PDE4D: variants seen among roughly 807,000 people sequenced by gnomAD.
PDE4D encodes the protein phosphodiesterase 4D, also known as 3',5'-cyclic-AMP phosphodiesterase 4D.
A neutral mutation model predicts 87.4 loss-of-function variants in PDE4D; 24 were observed. The observed-to-expected ratio is 0.27, with a 90% CI of 0.20 to 0.39. The LOEUF (loss-of-function observed/expected upper bound fraction) is 0.39. Ranked by LOEUF, PDE4D falls within the 10% of genes least tolerant of loss-of-function variation. PDE4D has a pLI of 1.00. For missense variants in PDE4D, 714 were observed against 1,041.0 expected (o/e 0.69, Z 4.32); for synonymous variants, 384 against 383.2 (o/e 1.00, Z -0.02).
intron 1 of PDE4D, among the ~76,000 whole-genome samples, chr5:59,368,294 G>C (rs2153597261): frequency 6.6e-6 from 1 of 152,300 alleles, no homozygotes; most frequent in East Asian, 1.9e-4. Flanking sequence ...GATGAATGCT[G>C]TTTCTCCATT....
chr5:60,467,857 T>G (rs1313340260), intron 1 of PDE4D, among the ~76,000 whole-genome samples: 1 of 152,002 alleles, frequency 6.6e-6, no homozygotes, highest in African/African-American at 2.4e-5. Context: ...AATACTCAGA[T>G]CTCGTGAGAA....
At chr5:59,072,481 C>T (rs1035024476) in intron 5 of PDE4D, among the ~76,000 whole-genome samples, 1 of 152,164 alleles carries the variant, frequency 6.6e-6, no homozygotes, top group African/African-American at 2.4e-5. Flanking sequence ...CAGAATGGCA[C>T]TCAGTCTTCA....
chr5:59,202,824 C>CT (rs532018890), intron 2 of PDE4D, among the ~76,000 whole-genome samples: 14 of 152,326 alleles, frequency 9.2e-5, no homozygotes, highest in African/African-American at 2.4e-4. Context: ...ACGTGGAACT[C>CT]TGAGTCCAGT....
intron 1 of PDE4D, among the ~76,000 whole-genome samples, chr5:59,536,538 T>TAAAAA (rs1815305704): frequency 8.0e-6 from 1 of 125,172 alleles, no homozygotes; most frequent in African/African-American, 3.6e-5. Context: ...AAAAAAAAAT[T>TAAAAA]ACCTTTTGGC....
At chr5:59,257,340 C>T (rs754185721) in intron 1 of PDE4D, among the ~76,000 whole-genome samples, 1 of 151,952 alleles carries the variant, frequency 6.6e-6, no homozygotes, top group Non-Finnish European at 1.5e-5. Context: ...CACATACATC[C>T]TGAGCAGTCT....
intron 1 of PDE4D, among the ~76,000 whole-genome samples, chr5:59,479,767 T>C (rs1803931729): frequency 1.3e-5 from 2 of 152,162 alleles, no homozygotes; most frequent in South Asian, 4.1e-4. Context: ...TGTTGGGTTC[T>C]CAGCTGATTC....
intron 1 of PDE4D, among the ~76,000 whole-genome samples, chr5:59,619,249 G>C (rs1287303750): frequency 2.0e-5 from 3 of 152,302 alleles, no homozygotes; most frequent in Non-Finnish European, 4.4e-5. Context: ...TGGTAGAGCA[G>C]ATTGGATGAG....
chr5:58,998,802 G>A (rs1203238798), intron 6 of PDE4D, among the ~76,000 whole-genome samples: 2 of 152,082 alleles, frequency 1.3e-5, no homozygotes, highest in African/African-American at 2.4e-5. Flanking sequence ...ACTGAATAAG[G>A]TTTTTCTACC....
intron 1 of PDE4D, among the ~76,000 whole-genome samples, chr5:59,394,120 G>T (rs767318674): frequency 7.5e-6 from 1 of 132,672 alleles, no homozygotes; most frequent in Non-Finnish European, 1.6e-5. Flanking sequence ...ATACTGTGTC[G>T]TTTGAGCAGT....
At chr5:59,725,203 C>T (rs1015808389) in intron 1 of PDE4D, among the ~76,000 whole-genome samples, 7 of 152,038 alleles carry the variant, frequency 4.6e-5, no homozygotes, top group African/African-American at 1.4e-4. Flanking sequence ...CCTCAGGCAG[C>T]GCTGCTCAGC....
chr5:59,384,063 T>G (rs1055913578), intron 1 of PDE4D, among the ~76,000 whole-genome samples: 5 of 124,718 alleles, frequency 4.0e-5, no homozygotes, highest in Non-Finnish European at 8.1e-5. Context: ...TATTTTTTTA[T>G]TTTTTTAGTT....
intron 1 of PDE4D, among the ~76,000 whole-genome samples, chr5:60,378,881 A>AAGAGAGAG (rs368224897): frequency 6.6e-6 from 1 of 150,928 alleles, no homozygotes; most frequent in African/African-American, 2.4e-5. Flanking sequence ...GAAAGAAAGA[A>AAGAGAGAG]AGAGAGAGAG....
intron 1 of PDE4D, among the ~76,000 whole-genome samples, chr5:60,358,430 AT>A (rs1759799003): frequency 6.6e-6 from 1 of 152,192 alleles, no homozygotes; most frequent in African/African-American, 2.4e-5. Flanking sequence ...TGGCAGAGGC[AT>A]TGATAAATAA....
chr5:60,211,963 G>C lies in PDE4D; in HGVS notation c.-89-26276C>G, dbSNP rs368394205. On this transcript the variant is annotated intron_variant, in intron 1 of 16. Coordinates refer to the PDE4D transcript ENST00000502484. Reference sequence around the variant, plus strand: ...AATCCATGATTAACTTAATTTCAAGGCAAGAAATCTGTGTTTTGGAGGCTT... The same window carrying C: ...AATCCATGATTAACTTAATTTCAAGCCAAGAAATCTGTGTTTTGGAGGCTT... Among the ~76,000 whole-genome samples, 38 of 152,240 alleles carry C rather than the reference G, an allele frequency of 2.5e-4. 1 individual carries two copies. Among genetic ancestry groups the C allele is most frequent in the Middle Eastern group, 3.4e-3 (1 of 294 alleles).
intron 1 of PDE4D, among the ~76,000 whole-genome samples, chr5:59,816,591 T>C (rs1769004193): frequency 6.6e-6 from 1 of 152,084 alleles, no homozygotes; most frequent in Non-Finnish European, 1.5e-5. Flanking sequence ...GGCCTGTGAG[T>C]CTTTGGTCGT....
intron 2 of PDE4D, among the ~76,000 whole-genome samples, chr5:60,105,112 G>GA (rs897782586): frequency 1.8e-4 from 28 of 152,100 alleles, no homozygotes; most frequent in African/African-American, 6.8e-4. Context: ...TGAAAACTTT[G>GA]AAAAAAATTT....
chr5:60,035,249 C>T (rs1247592392), intron 2 of PDE4D, among the ~76,000 whole-genome samples: 1 of 123,156 alleles, frequency 8.1e-6, no homozygotes, highest in Non-Finnish European at 1.7e-5. Context: ...GAGCGAGACT[C>T]CGTCTCAAAA....
intron 1 of PDE4D, among the ~76,000 whole-genome samples, chr5:59,513,484 CAGAG>C (rs1383207182): frequency 6.6e-6 from 1 of 152,098 alleles, no homozygotes; most frequent in Non-Finnish European, 1.5e-5. Flanking sequence ...TCAGAGCTGA[CAGAG>C]AGGTGAGAGA....
intron 1 of PDE4D, among the ~76,000 whole-genome samples, chr5:59,843,737 C>T (rs1209049706): frequency 6.6e-6 from 1 of 152,070 alleles, no homozygotes; most frequent in Non-Finnish European, 1.5e-5. Context: ...CTCTGTCTAA[C>T]TGTGAGCTTC....
Sources: allele counts gnomAD v4.1 joint callset (sites outside exome capture counted in the v4.1 genomes callset), GRCh38; gene constraint gnomAD v4.1.1; transcripts MANE v1.5; gene names NCBI Gene and HGNC (gene_info 2026-07-23, HGNC 2026-07-21).